The following KIAA0825 variants were observed in gnomAD, a reference collection of about 807,000 sequenced individuals.
The protein encoded by KIAA0825 is uncharacterized protein KIAA0825.
In KIAA0825, 119 loss-of-function variants were observed where a neutral mutation model predicts 147.6. The observed-to-expected ratio is 0.81, with a 90% CI of 0.69 to 0.94. The LOEUF is 0.94. KIAA0825 is among the 40% of genes least tolerant of loss of function. The probability of loss-of-function intolerance (pLI) is 0.00; values close to 1 mark genes in which losing one functional copy is unlikely to be tolerated. For synonymous variants in KIAA0825, 470 were observed against 518.1 expected (o/e 0.91, Z 1.26); for missense variants, 1,381 against 1,472.7 (o/e 0.94, Z 1.02).
intron 20 of KIAA0825, among the ~76,000 whole-genome samples, chr5:94,292,862 T>G (rs1392755455): frequency 2.0e-5 from 3 of 152,206 alleles, no homozygotes; most frequent in Non-Finnish European, 2.9e-5. Context: ...GTCCAGGAAT[T>G]TAACCATTTC....
chr5:94,386,344 G>A lies in KIAA0825; in HGVS notation c.3517C>T (p.Arg1173Ter), dbSNP rs763611790. 122 of 1,551,468 alleles carry A rather than the reference G, an allele frequency of 7.9e-5. No individual in the cohort carries two copies. Among genetic ancestry groups the A allele is most frequent in the East Asian group, 9.8e-5 (4 of 40,882 alleles). ...CTCCTCAAGGTCGTCTTTAAAGGTC[G>A]GATGGGTAATGGCTTTTCCTCTGAA... ...NSSEEKPLPI[R>*]PLKTTLRSIE... Residue 1173 changes from arginine to a stop codon, truncating the protein, a stop_gained, in exon 19 of 21, where the codon CGA becomes TGA. Transcript: ENST00000682413. LOFTEE classifies it high-confidence loss of function.
rs538505158 is a variant in KIAA0825, at chr5:94,197,581, C to T, written c.3711-43457G>A. Among the ~76,000 whole-genome samples, 3 of 152,246 alleles carry T rather than the reference C, an allele frequency of 2.0e-5. No individual in the cohort carries two copies. The South Asian group carries it at 6.2e-4, about 32-fold the overall frequency. On this transcript the variant is annotated intron_variant, in intron 20 of 20. Coordinates refer to ENST00000682413, the MANE Select transcript of KIAA0825 (RefSeq NM_001145678.3). ...TCCAGAATGGCATTTCCTAGATTTT[C>T]TTCTAGGGTTTTTATAGTTTTAGGT...
At chr5:94,408,705 G>A (rs1584405974) in intron 15 of KIAA0825, among the ~76,000 whole-genome samples, 1 of 152,100 alleles carries the variant, frequency 6.6e-6, no homozygotes, top group East Asian at 1.9e-4. Flanking sequence ...AAGAACTAGA[G>A]GAAGAAAAGA....
intron 3 of KIAA0825, among the ~76,000 whole-genome samples, chr5:94,525,349 T>G (rs1769071345): frequency 6.6e-6 from 1 of 151,940 alleles, no homozygotes; most frequent in Admixed American, 6.6e-5. Flanking sequence ...TGTAAAAGTT[T>G]AAGTAAAAGT....
chr5:94,187,733 T>A (rs1449611085), intron 20 of KIAA0825, among the ~76,000 whole-genome samples: 2 of 152,146 alleles, frequency 1.3e-5, no homozygotes, highest in African/African-American at 4.8e-5. Context: ...CCGGGAGTTA[T>A]TTTTTAAAAA....
At chr5:94,583,476 C>T (rs1220735648) in intron 1 of KIAA0825, among the ~76,000 whole-genome samples, 7 of 152,168 alleles carry the variant, frequency 4.6e-5, no homozygotes, top group African/African-American at 1.7e-4. Context: ...ATTGTTCAGG[C>T]TTGAGTAGAC....
At chr5:94,212,016 G>A (rs1397936050) in intron 20 of KIAA0825, among the ~76,000 whole-genome samples, 3 of 152,114 alleles carry the variant, frequency 2.0e-5, no homozygotes, top group Non-Finnish European at 4.4e-5. Context: ...TACATAGGTG[G>A]AATTTGCTAG....
chr5:94,266,028 G>A (rs558910258), intron 20 of KIAA0825, among the ~76,000 whole-genome samples: 1 of 152,274 alleles, frequency 6.6e-6, no homozygotes, highest in Middle Eastern at 3.4e-3. Flanking sequence ...GTGGAAGGCT[G>A]AAGTAGCCAC....
At chr5:94,468,661 A>C (rs1760844566) in intron 10 of KIAA0825, among the ~76,000 whole-genome samples, 1 of 152,220 alleles carries the variant, frequency 6.6e-6, no homozygotes, top group Non-Finnish European at 1.5e-5. Context: ...GTCCTTTAAG[A>C]GAGCTTCTTA....
chr5:94,395,033 TAG>T (rs1334243599), intron 17 of KIAA0825, among the ~76,000 whole-genome samples: 1 of 152,212 alleles, frequency 6.6e-6, no homozygotes, highest in Non-Finnish European at 1.5e-5. Context: ...TATATTTTAA[TAG>T]AGTTTATACA....
chr5:94,523,989 T>C lies in KIAA0825; in HGVS notation c.241A>G (p.Ser81Gly), dbSNP rs115330730. 2 of 1,608,752 alleles carry C rather than the reference T, an allele frequency of 1.2e-6. No homozygotes were observed. The highest frequency in any genetic ancestry group is 1.7e-6 in the Non-Finnish European group (2 of 1,176,452). ...GAAATGAAAGATGATTCAGATGTAC[T>C]GTAATTATAGTTAGTTAGCCATTCA... is the stretch of plus-strand genomic sequence containing the variant. ...CFEWLTNYNY[S>G]TSESSFISHG... is the part of the protein sequence containing the mutation. The change falls in exon 4 of 21, where the codon AGT becomes GGT. Residue 81 changes from serine to glycine, a missense_variant. Ser to Gly is a moderately conservative substitution (Grantham distance 56, BLOSUM62 0). Coordinates refer to ENST00000682413, the MANE Select transcript of KIAA0825 (RefSeq NM_001145678.3).
chr5:94,317,168 C>A (rs1382420122), intron 20 of KIAA0825, among the ~76,000 whole-genome samples: 3 of 151,730 alleles, frequency 2.0e-5, no homozygotes, highest in Non-Finnish European at 4.4e-5. Flanking sequence ...CTGTAAAAAT[C>A]ATCTAAGTGC....
intron 20 of KIAA0825, among the ~76,000 whole-genome samples, chr5:94,317,868 T>C (rs1779794630): frequency 6.6e-6 from 1 of 151,882 alleles, no homozygotes; most frequent in African/African-American, 2.4e-5. Flanking sequence ...AATCTTCAAA[T>C]TTATATGAAT....
At chr5:94,617,639 A>G (rs1790914764) in intron 1 of KIAA0825, among the ~76,000 whole-genome samples, 1 of 152,190 alleles carries the variant, frequency 6.6e-6, no homozygotes, top group African/African-American at 2.4e-5. Flanking sequence ...TTATCTAAAT[A>G]TAAGGTGGCA....
rs114414731 is a variant in KIAA0825 at position 94,316,724 on chromosome 5, C to A, written c.3710+67644G>T. Among the ~76,000 whole-genome samples the A allele has an allele frequency of 7.1e-3, 1,084 of 151,858 alleles. 10 individuals are homozygous for A. The highest frequency in any genetic ancestry group is 0.025 in the African/African-American group (1,032 of 41,496). ...CTTTAGTTGTTCATCTGAGTTGGGG[C>A]AGTATGCTTTTGCATCCTTTCAGAG... On this transcript the variant is annotated intron_variant, in intron 20 of 20. Coordinates refer to ENST00000682413, the MANE Select transcript of KIAA0825 (RefSeq NM_001145678.3).
At chr5:94,393,772 T>C (rs2150571160) in intron 17 of KIAA0825, among the ~76,000 whole-genome samples, 1 of 152,280 alleles carries the variant, frequency 6.6e-6, no homozygotes, top group East Asian at 1.9e-4. Flanking sequence ...GACCACTGAT[T>C]AGTGAGAAGT....
chr5:94,452,208 G>T (rs1462072464), intron 13 of KIAA0825, among the ~76,000 whole-genome samples: 1 of 152,098 alleles, frequency 6.6e-6, no homozygotes, highest in African/African-American at 2.4e-5. Flanking sequence ...GTGTAAGTTT[G>T]TTTTGTCTAT....
In KIAA0825 at chr5:94,153,837, A is replaced by G. The variant is rs1766786262; in HGVS notation, c.*170T>C. The G allele has an allele frequency of 4.3e-6, 2 of 461,892 alleles. No individual in the cohort carries two copies. Among genetic ancestry groups the G allele is most frequent in the East Asian group, 3.2e-5 (1 of 31,722 alleles). The allele number at this position is 461,892 out of a possible 1,614,324, so 28.6% of individuals were successfully genotyped here. A position where few individuals can be genotyped will look rare whatever the true frequency, so the allele number is the denominator to read the frequency against. ...GAAATTATTTTTAAAATAAAAAAATATGTAGCACCTTATCCTTTATGTGCT... is the reference window on the plus strand; with the variant it reads ...GAAATTATTTTTAAAATAAAAAAATGTGTAGCACCTTATCCTTTATGTGCT... On this transcript the variant is annotated 3_prime_UTR_variant, in exon 21 of 21. Coordinates refer to ENST00000682413, the MANE Select transcript of KIAA0825 (RefSeq NM_001145678.3).
intron 14 of KIAA0825, among the ~76,000 whole-genome samples, chr5:94,429,269 C>A (rs1166064743): frequency 6.6e-6 from 1 of 152,162 alleles, no homozygotes; most frequent in Non-Finnish European, 1.5e-5. Flanking sequence ...TTAGATTTTT[C>A]ATTGTGCCAA....
Sources: gnomAD v4.1 joint callset for allele counts (sites outside exome capture counted in the v4.1 genomes callset) on GRCh38, gnomAD v4.1.1 for gene constraint, MANE v1.5 for transcripts, NCBI Gene and HGNC (gene_info 2026-07-23, HGNC 2026-07-21) for gene names.